Variants in SV2B observed in about 807,000 individuals in gnomAD.
SV2B encodes the protein solute carrier family 22 member B2.
SV2B carries 41 observed loss-of-function variants against 73.9 expected under a neutral mutation model. The ratio of observed to expected loss-of-function variants is 0.56; its 90% CI spans 0.43 to 0.72. The LOEUF is 0.72. Among genes scored for constraint, SV2B ranks in the 30% least tolerant of loss-of-function variants. The pLI, the probability that SV2B is intolerant of heterozygous loss-of-function variation, is 0.00. For missense variants in SV2B, 764 were observed against 857.8 expected (o/e 0.89, Z 1.37); for synonymous variants, 314 against 314.2 (o/e 1.00, Z 0.01).
rs901789886 is a variant in SV2B at position 91,275,482 on chromosome 15, T to C, written c.1374-6246T>C. The stretch of plus-strand genomic sequence containing the variant: ...ATGCTATAAACACGTGATATATTGC[T>C]ACTATTTTTGCTTTACCCAGTGAAC... On this transcript the variant is annotated intron_variant, in intron 9 of 12. Coordinates refer to ENST00000394232, the MANE Select transcript of SV2B (RefSeq NM_001323032.3). Among the ~76,000 whole-genome samples, 6 of 152,200 alleles carry C rather than the reference T, an allele frequency of 3.9e-5. No individual in the cohort carries two copies. The East Asian group carries it at 1.2e-3, about 29-fold the overall frequency.
At chr15:91,221,693 GCACACACACA>G (rs3082137) in intron 1 of SV2B, among the ~76,000 whole-genome samples, 1 of 140,068 alleles carries the variant, frequency 7.1e-6, no homozygotes, top group African/African-American at 2.8e-5. Context: ...AAGCATGTGC[GCACACACACA>G]CACACACACA....
At position 91,300,110 on chromosome 15, in the gene SV2B, T is replaced by G. The variant is rs1596832537; in HGVS notation, c.*7558T>G. The G allele has an allele frequency of 6.6e-6, 1 of 152,366 alleles. No individual in the cohort carries two copies. Among genetic ancestry groups the G allele is most frequent in the East Asian group, 1.9e-4 (1 of 5,194 alleles). The allele number at this position is 152,366 out of a possible 1,614,324, so 9.4% of individuals were successfully genotyped here. A position where few individuals can be genotyped will look rare whatever the true frequency, so the allele number is the denominator to read the frequency against. On this transcript the variant is annotated 3_prime_UTR_variant, in exon 13 of 13. Coordinates refer to ENST00000394232, the MANE Select transcript of SV2B (RefSeq NM_001323032.3). Reference sequence around the variant, plus strand: ...GATTCAGGTTACATAAGGGATAAAATATAGAAAGACATTTTAAAGTTTGAA... The same window carrying G: ...GATTCAGGTTACATAAGGGATAAAAGATAGAAAGACATTTTAAAGTTTGAA...
intron 11 of SV2B, among the ~76,000 whole-genome samples, chr15:91,286,466 T>C (rs1450387075): frequency 6.6e-6 from 1 of 152,202 alleles, no homozygotes; most frequent in Non-Finnish European, 1.5e-5. Flanking sequence ...GCAGTAGTTA[T>C]TCTCTCAAGG....
At chr15:91,163,353 T>G (rs181031754) in intron 1 of SV2B, among the ~76,000 whole-genome samples, 148 of 152,352 alleles carry the variant, frequency 9.7e-4, no homozygotes, top group African/African-American at 2.6e-3. Context: ...ATTTCCACAA[T>G]GGTTGAACTA....
rs567624089 is a variant in SV2B at position 91,288,535 on chromosome 15, A to G, written c.1709-986A>G. 1.3e-5 allele frequency among the ~76,000 whole-genome samples: 2 copies of G among 152,128 alleles called. No homozygotes were observed. Among genetic ancestry groups the G allele is most frequent in the Admixed American group, 6.5e-5 (1 of 15,278 alleles). On this transcript the variant is annotated intron_variant, in intron 11 of 12. Transcript: ENST00000394232. The surrounding 1 kb of genome is among the most constrained non-coding windows in gnomAD (Gnocchi z 5.8). ...GATGTTTCTGTGCCTGGTTTACCCC[A>G]TGGACTGTATCTAGCATCCTGCCTT...
In SV2B at chr15:91,267,590, C is replaced by G; in HGVS notation, c.1155C>G (p.Pro385=). The G allele has an allele frequency of 1.2e-6, 2 of 1,613,412 alleles. No homozygotes were observed. Among genetic ancestry groups the G allele is most frequent in the African/African-American group, 1.3e-5 (1 of 74,982 alleles). ...ATGCCCTGTACTGTGTGATGGGGCC[C>G]TACAGAATGAATACACTGATTCTGG... The part of the protein sequence containing the change: ...WDNALYCVMG[P]YRMNTLILAV... Residue 385 remains proline, a synonymous_variant, in exon 8 of 13, where the codon CCC becomes CCG. Transcript: ENST00000394232. This position sits in a 1 kb window ranked among gnomAD's most constrained non-coding sequence, Gnocchi z 4.3.
intron 1 of SV2B, among the ~76,000 whole-genome samples, chr15:91,215,042 G>A (rs751813500): frequency 2.0e-5 from 3 of 152,154 alleles, no homozygotes; most frequent in Admixed American, 6.5e-5. Context: ...TCCCACATCC[G>A]GAGCGCTGCC....
intron 1 of SV2B, among the ~76,000 whole-genome samples, chr15:91,107,958 T>C (rs1329617931): frequency 6.6e-6 from 1 of 152,250 alleles, no homozygotes; most frequent in East Asian, 1.9e-4. Flanking sequence ...ATTATTTAAT[T>C]TCCCTGAGCC....
At position 91,120,554 on chromosome 15, in the gene SV2B, C is replaced by T. The variant is rs113337924; in HGVS notation, c.-392+20191C>T. 6.6e-3 allele frequency among the ~76,000 whole-genome samples: 1,009 copies of T among 152,160 alleles called. 14 individuals are homozygous for T. The highest frequency in any genetic ancestry group is 0.048 in the South Asian group (230 of 4,810). The stretch of plus-strand genomic sequence containing the variant: ...AGGGCAGGCACGGTGGCTCACATGC[C>T]TGTAATCTCAGCAGTTTGGGAGGCT... On this transcript the variant is annotated intron_variant, in intron 1 of 12. Coordinates refer to ENST00000394232, the MANE Select transcript of SV2B (RefSeq NM_001323032.3).
chr15:91,258,573 A>T lies in SV2B; in HGVS notation c.918+19A>T, dbSNP rs565861064. 34 of 1,612,852 alleles carry T rather than the reference A, an allele frequency of 2.1e-5. No individual in the cohort carries two copies. In the East Asian group the frequency reaches 6.7e-4, roughly 32 times the overall value. ...GCTAGAGGTGAGTCAGTGCTTTTCC[A>T]CCAGGGGGAGAGTGACAAAACAGCC... On this transcript the variant is annotated intron_variant, in intron 5 of 12. Transcript: ENST00000394232. This position sits in a 1 kb window ranked among gnomAD's most constrained non-coding sequence, Gnocchi z 4.7.
chr15:91,139,937 C>A lies in SV2B; in HGVS notation c.-392+39574C>A, dbSNP rs146907726. On this transcript the variant is annotated intron_variant, in intron 1 of 12. Coordinates refer to ENST00000394232, the MANE Select transcript of SV2B (RefSeq NM_001323032.3). This position sits in a 1 kb window ranked among gnomAD's most constrained non-coding sequence, Gnocchi z 5.2. Reference sequence around the variant, plus strand: ...AGAGTTTGGTGAGAGTGACAGCCTGCGTCTCAGCCCAGATCATTTGGAAAT... The same window carrying A: ...AGAGTTTGGTGAGAGTGACAGCCTGAGTCTCAGCCCAGATCATTTGGAAAT... 8.2e-3 allele frequency among the ~76,000 whole-genome samples: 1,248 copies of A among 152,272 alleles called. 18 individuals carry two copies. The highest frequency in any genetic ancestry group is 0.028 in the African/African-American group (1,181 of 41,536).
intron 1 of SV2B, among the ~76,000 whole-genome samples, chr15:91,196,857 G>C (rs2045263232): frequency 6.6e-6 from 1 of 152,172 alleles, no homozygotes; most frequent in African/African-American, 2.4e-5. Context: ...AGCCTAAAGG[G>C]GAGGGCTGAG....
At chr15:91,183,438 G>T (rs1322930008) in intron 1 of SV2B, among the ~76,000 whole-genome samples, 4 of 152,192 alleles carry the variant, frequency 2.6e-5, no homozygotes, top group Non-Finnish European at 5.9e-5. Context: ...GATATGAACT[G>T]TCTAGATAAC....
chr15:91,191,992 C>A (rs17693330), intron 1 of SV2B, among the ~76,000 whole-genome samples: 7,076 of 152,026 alleles, frequency 0.047, 206 homozygotes, highest in East Asian at 0.098. Flanking sequence ...GGCGGTTACC[C>A]TTAGATTCCA....
chr15:91,247,282 C>T (rs1475772410), intron 2 of SV2B, among the ~76,000 whole-genome samples: 1 of 152,302 alleles, frequency 6.6e-6, no homozygotes, highest in African/African-American at 2.4e-5. Context: ...TGGGGCTCAG[C>T]CTCCTCGTCT....
At chr15:91,177,320 G>A (rs1201561035) in intron 1 of SV2B, among the ~76,000 whole-genome samples, 2 of 148,412 alleles carry the variant, frequency 1.3e-5, no homozygotes, top group Admixed American at 1.3e-4. Context: ...TGAAGTCAGG[G>A]AGCGTGATGC....
At position 91,119,669 on chromosome 15, in the gene SV2B, A is replaced by G. The variant is rs567296817; in HGVS notation, c.-392+19306A>G. Among the ~76,000 whole-genome samples, 8 of 152,356 alleles carry G rather than the reference A, an allele frequency of 5.3e-5. 1 individual carries two copies. In the South Asian group the frequency reaches 1.7e-3, roughly 32 times the overall value. On this transcript the variant is annotated intron_variant, in intron 1 of 12. Coordinates refer to ENST00000394232, the MANE Select transcript of SV2B (RefSeq NM_001323032.3). ...GATAAAGCTCTTCATTCATGCTGCC[A>G]AGTTGCATTGTAGAAAGCTTGTTCT...
chr15:91,284,004 T>C lies in SV2B; in HGVS notation c.1508-17T>C. The C allele has an allele frequency of 6.2e-7, 1 of 1,613,916 alleles. No homozygotes were observed. The highest frequency in any genetic ancestry group is 2.2e-5 in the East Asian group (1 of 44,878). Reference sequence around the variant, plus strand: ...CCCTTCCACTTACATGAACCGAAGGTTTCCTTCTCTCCCCAGACCTCTACG... The same window carrying C: ...CCCTTCCACTTACATGAACCGAAGGCTTCCTTCTCTCCCCAGACCTCTACG... On this transcript the variant is annotated splice_polypyrimidine_tract_variant and intron_variant, in intron 10 of 12. Transcript: ENST00000394232. The surrounding 1 kb of genome is among the most constrained non-coding windows in gnomAD (Gnocchi z 4.5).
At position 91,292,532 on chromosome 15, in the gene SV2B, C is replaced by G; in HGVS notation, c.2032C>G (p.Arg678Gly). 2 of 1,613,632 alleles carry G rather than the reference C, an allele frequency of 1.2e-6. No homozygotes were observed. The highest frequency in any genetic ancestry group is 1.7e-6 in the Non-Finnish European group (2 of 1,179,860). Residue 678 changes from arginine to glycine, a missense_variant, in exon 13 of 13, where the codon CGA (arginine) becomes GGA (glycine). By Grantham distance (125) the Arg-to-Gly change is moderately radical (BLOSUM62 -2). Transcript: ENST00000394232. ...GATTGCCCTTCGACTGCCAGAGACTCGAGAACAGGTCCTGATGTGAACAAC... is the reference window on the plus strand; with the variant it reads ...GATTGCCCTTCGACTGCCAGAGACTGGAGAACAGGTCCTGATGTGAACAAC... ...GLIALRLPETREQVLM is the reference protein window; with the variant it reads ...GLIALRLPETGEQVLM
Sources: gnomAD v4.1 joint callset for allele counts (sites outside exome capture counted in the v4.1 genomes callset) on GRCh38, gnomAD v4.1.1 for gene constraint, Gnocchi (gnomAD v3.1) non-coding constraint, MANE v1.5 for transcripts, NCBI Gene and HGNC (gene_info 2026-07-23, HGNC 2026-07-21) for gene names.